USH1C: variants seen among roughly 807,000 people sequenced by gnomAD.
The protein encoded by USH1C is USH1 protein network component harmonin, also known as harmonin.
A neutral mutation model predicts 119.3 loss-of-function variants in USH1C; 90 were observed. The ratio of observed to expected loss-of-function variants is 0.75; its 90% CI spans 0.64 to 0.90. The LOEUF (loss-of-function observed/expected upper bound fraction) is 0.90, where lower values mean the gene tolerates loss of function less well. Ranked by LOEUF, USH1C falls within the 40% of genes least tolerant of loss-of-function variation. The probability of loss-of-function intolerance (pLI) is 0.00; values close to 1 mark genes in which losing one functional copy is unlikely to be tolerated. For missense variants in USH1C, 1,165 were observed against 1,167.7 expected (o/e 1.00, Z 0.03); for synonymous variants, 465 against 443.3 (o/e 1.05, Z -0.62).
intron 20 of USH1C, among the ~76,000 whole-genome samples, chr11:17,502,855 G>T (rs1380471976): frequency 1.3e-5 from 2 of 152,152 alleles, no homozygotes; most frequent in Non-Finnish European, 2.9e-5. Context: ...GCAGAGCCAC[G>T]GCTGGTCCCC....
At chr11:17,519,238 G>A (rs1236449999) in intron 14 of USH1C, among the ~76,000 whole-genome samples, 1 of 152,202 alleles carries the variant, frequency 6.6e-6, no homozygotes, top group African/African-American at 2.4e-5. Flanking sequence ...TGCATTTCCT[G>A]CCTTAGGTCC....
chr11:17,495,738 C>A, intron 25 of USH1C, 61 bp from the exon 26 acceptor site: 2 of 1,558,996 alleles, frequency 1.3e-6, no homozygotes, highest in East Asian at 4.5e-5. Flanking sequence ...AGGCAGAGCT[C>A]CATGGGGCTT....
At chr11:17,518,339 G>T (rs1444482007) in intron 14 of USH1C, among the ~76,000 whole-genome samples, 2 of 152,212 alleles carry the variant, frequency 1.3e-5, no homozygotes, top group Admixed American at 6.5e-5. Flanking sequence ...GGGGTCTCTT[G>T]TGGTGGAGGT....
rs1288618500 is a variant in USH1C, at chr11:17,520,993, T to C, written c.1087A>G (p.Ile363Val). Reference protein sequence around the residue: ...NERYRKEMEQIVEEEEKFKKQ... With the variant: ...NERYRKEMEQVVEEEEKFKKQ... ...TTAAACTTCTCTTCCTCCTCTACAA[T>C]CCTAAAATGAGACCCCCATGCCTGT... The change falls in exon 14 of 27, where the codon ATT (isoleucine) becomes GTT (valine). Residue 363 changes from isoleucine (I) to valine (V), a missense_variant and splice_region_variant. Physicochemically the swap from Ile to Val is conservative, Grantham distance 29. Coordinates refer to ENST00000005226, the MANE Select transcript of USH1C (RefSeq NM_153676.4). 1 of 1,613,920 alleles carries C rather than the reference T, an allele frequency of 6.2e-7. No homozygotes were observed. Among genetic ancestry groups the C allele is most frequent in the South Asian group, 1.1e-5 (1 of 91,064 alleles).
At chr11:17,539,026 C>T (rs964671667) in intron 1 of USH1C, among the ~76,000 whole-genome samples, 2 of 152,142 alleles carry the variant, frequency 1.3e-5, no homozygotes, top group African/African-American at 4.8e-5. Context: ...CTTGGCTTCC[C>T]CCTTGGACGA....
Position 17,504,707 on chromosome 11 carries a change from GAAA to G in USH1C, c.2134-13_2134-11del, listed in dbSNP as rs397848183. Reference sequence around the variant, plus strand: ...TCAACATCTCCTGTGGCTGCCAGAGGAAAAAAAAAAAAGTTCCACATTGGATGT... The same window carrying G: ...TCAACATCTCCTGTGGCTGCCAGAGGAAAAAAAAAGTTCCACATTGGATGT... On this transcript the variant is annotated splice_polypyrimidine_tract_variant and intron_variant, in intron 19 of 26. Transcript: ENST00000005226. The G allele has an allele frequency of 3.9e-6, 5 of 1,271,122 alleles. No homozygotes were observed. In the East Asian group the frequency reaches 1.1e-4, roughly 29 times the overall value. The allele number at this position is 1,271,122 out of a possible 1,614,324, so 78.7% of individuals were successfully genotyped here.
chr11:17,534,603 G>C (rs376048211), intron 1 of USH1C, among the ~76,000 whole-genome samples: 11 of 152,300 alleles, frequency 7.2e-5, no homozygotes, highest in African/African-American at 2.2e-4. Flanking sequence ...GGCTGGGTGC[G>C]GTGGCTCACG....
At chr11:17,515,578 G>C (rs913022052) in intron 15 of USH1C, among the ~76,000 whole-genome samples, 8 of 152,064 alleles carry the variant, frequency 5.3e-5, no homozygotes, top group African/African-American at 1.9e-4. Flanking sequence ...AAGTCATCTC[G>C]AATGTCCAAT....
At chr11:17,503,790 T>C (rs1479870102) in intron 20 of USH1C, among the ~76,000 whole-genome samples, 5 of 152,186 alleles carry the variant, frequency 3.3e-5, no homozygotes, top group African/African-American at 9.7e-5. Context: ...TTCTCATAGA[T>C]AAAATGGGTA....
chr11:17,520,723 G>A, intron 14 of USH1C, 147 bp downstream of exon 14: 1 of 962,118 alleles, frequency 1.0e-6, no homozygotes, highest in Non-Finnish European at 1.7e-6. Context: ...TGGGGCAGAT[G>A]GTCTCTGACC....
chr11:17,521,024 G>A, intron 13 of USH1C, 30 bp from the exon 14 acceptor site: 2 of 1,613,594 alleles, frequency 1.2e-6, no homozygotes, highest in South Asian at 2.2e-5. Context: ...CCTGTTACTG[G>A]AGTCAGAACC....
rs757265460 is a variant in USH1C, at chr11:17,505,935, G to A, written c.2028C>T (p.Ser676=). 1.2e-6 allele frequency: 2 copies of A among 1,614,234 alleles called. No homozygotes were observed. The highest frequency in any genetic ancestry group is 2.7e-5 in the African/African-American group (2 of 75,072). The part of the protein sequence containing the change: ...FPPTPKTFCP[S]PQPPRGPGVS... ...CGCCAGGGCCTCGTGGAGGCTGTGGGCTTGGGCAAAATGTCTAAGGAGTTA... is the reference window on the plus strand; with the variant it reads ...CGCCAGGGCCTCGTGGAGGCTGTGGACTTGGGCAAAATGTCTAAGGAGTTA... Residue 676 remains serine, a synonymous_variant, in exon 19 of 27, where the codon AGC becomes AGT. Coordinates refer to ENST00000005226, the MANE Select transcript of USH1C (RefSeq NM_153676.4).
intron 1 of USH1C, among the ~76,000 whole-genome samples, chr11:17,542,193 C>T (rs976382712): frequency 6.6e-6 from 1 of 152,242 alleles, no homozygotes; most frequent in Non-Finnish European, 1.5e-5. Context: ...CATTATAACA[C>T]ACTACCTTAA....
At chr11:17,521,132 T>C in intron 13 of USH1C, 138 bp from the exon 14 acceptor site, 2 of 1,283,002 alleles carry the variant, frequency 1.6e-6, no homozygotes, top group South Asian at 1.2e-5. Context: ...TCCCCGAGCT[T>C]GTATTCTAAA....
In USH1C at chr11:17,504,756, C is replaced by A. The variant is rs1354746449; in HGVS notation, c.2134-59G>T. ...GATGTTACCAATAGGTCTTGGCTGC[C>A]CCCTGGTGCCAGGCTTCGGGCCTGC... On this transcript the variant is annotated intron_variant, in intron 19 of 26. Coordinates refer to ENST00000005226, the MANE Select transcript of USH1C (RefSeq NM_153676.4). The A allele has an allele frequency of 3.4e-5, 54 of 1,581,362 alleles. No homozygotes were observed. The East Asian group carries it at 8.7e-4, about 26-fold the overall frequency.
At chr11:17,537,911 T>C (rs2133947447) in intron 1 of USH1C, among the ~76,000 whole-genome samples, 1 of 152,352 alleles carries the variant, frequency 6.6e-6, no homozygotes, top group Middle Eastern at 3.4e-3. Flanking sequence ...AGTGACAGAA[T>C]TGAGACCCCA....
In USH1C at chr11:17,511,899, T is replaced by G. The variant is rs775895012; in HGVS notation, c.1413+3A>C. On this transcript the variant is annotated splice_donor_region_variant and intron_variant, in intron 16 of 26. Coordinates refer to ENST00000005226, the MANE Select transcript of USH1C (RefSeq NM_153676.4). ...TTGCCTGGCCTGCAGGCAGGACACA[T>G]ACCTCCTGGGCCAGCCGGTTGATCT... 1.2e-6 allele frequency: 2 copies of G among 1,612,922 alleles called. No individual in the cohort carries two copies. The highest frequency in any genetic ancestry group is 1.7e-6 in the Non-Finnish European group (2 of 1,179,604).
At position 17,495,656 on chromosome 11, in the gene USH1C, T is replaced by C. The variant is rs1385487954; in HGVS notation, c.2568A>G (p.Val856=). Residue 856 remains valine (V), a synonymous_variant, in exon 26 of 27, where the codon GTA becomes GTG. Coordinates refer to ENST00000005226, the MANE Select transcript of USH1C (RefSeq NM_153676.4). ...TTCGGACCGGTTGGGGGCTTTCAGC[T>C]ACGGAGGAGGGAAGAGAAGCTCTAT... ...DDELASLPSS[V]AESPQPVRKL... is the part of the protein sequence containing the mutation. The C allele has an allele frequency of 1.1e-5, 18 of 1,614,156 alleles. No homozygotes were observed. Among genetic ancestry groups the C allele is most frequent in the Non-Finnish European group, 1.2e-5 (14 of 1,180,030 alleles).
At chr11:17,497,368 T>G (rs1448834320) in intron 24 of USH1C, among the ~76,000 whole-genome samples, 2 of 152,150 alleles carry the variant, frequency 1.3e-5, no homozygotes, top group Non-Finnish European at 2.9e-5. Flanking sequence ...TACCATGAGC[T>G]GGTTCCTAAT....
Sources: gnomAD v4.1 joint callset for allele counts (sites outside exome capture counted in the v4.1 genomes callset) on GRCh38, gnomAD v4.1.1 for gene constraint, MANE v1.5 for transcripts, NCBI Gene and HGNC (gene_info 2026-07-23, HGNC 2026-07-21) for gene names.